CNTNAP2: variants seen among roughly 807,000 people sequenced by gnomAD.
CNTNAP2 encodes the protein contactin-associated protein-like 2.
In CNTNAP2, 98 loss-of-function variants were observed where a neutral mutation model predicts 155.2. That is an observed-to-expected ratio of 0.63 (90% CI 0.54 to 0.75). The LOEUF (loss-of-function observed/expected upper bound fraction) is 0.75. Among genes scored for constraint, CNTNAP2 ranks in the 30% least tolerant of loss-of-function variants. The probability of loss-of-function intolerance (pLI) is 0.00; values close to 1 mark genes in which losing one functional copy is unlikely to be tolerated. For missense variants in CNTNAP2, 1,727 were observed against 1,688.1 expected, an observed-to-expected ratio of 1.02 and a Z score of -0.40; for synonymous variants, 651 against 631.2, an observed-to-expected ratio of 1.03 and a Z score of -0.47.
chr7:146,568,008 T>A (rs1798385092), intron 1 of CNTNAP2, among the ~76,000 whole-genome samples: 1 of 152,224 alleles, frequency 6.6e-6, no homozygotes, highest in African/African-American at 2.4e-5. Flanking sequence ...TATAATATTT[T>A]ATTTCAAGAA....
chr7:147,783,248 T>G (rs191626322), intron 13 of CNTNAP2, among the ~76,000 whole-genome samples: 104 of 152,356 alleles, frequency 6.8e-4, no homozygotes, highest in Non-Finnish European at 1.4e-3. Context: ...TAAAATTATA[T>G]TTTAACTGCT....
intron 4 of CNTNAP2, among the ~76,000 whole-genome samples, chr7:147,083,571 TATATGTATATATATATACACACACAC>T (rs1800189714): frequency 7.1e-6 from 1 of 140,638 alleles, no homozygotes; most frequent in South Asian, 2.2e-4. Flanking sequence ...TATACACATA[TATATGTATATATATATACACACACAC>T]GTCTATAATG....
intron 13 of CNTNAP2, among the ~76,000 whole-genome samples, chr7:147,705,410 A>C (rs1796294944): frequency 6.6e-6 from 1 of 152,136 alleles, no homozygotes; most frequent in South Asian, 2.1e-4. Flanking sequence ...TGATCTGAGA[A>C]GATACTTGAT....
intron 12 of CNTNAP2, among the ~76,000 whole-genome samples, chr7:147,577,780 A>G (rs1800423029): frequency 6.6e-6 from 1 of 152,046 alleles, no homozygotes; most frequent in African/African-American, 2.4e-5. Context: ...ATATAAAGCA[A>G]CACACCATGC....
intron 9 of CNTNAP2, among the ~76,000 whole-genome samples, chr7:147,347,470 ATATATGCATATATATAT>A (rs1795894991): frequency 2.1e-5 from 1 of 48,216 alleles, no homozygotes; most frequent in African/African-American, 4.4e-5. Context: ...ATATATATAT[ATATATGCATATATATAT>A]ATATGCATAT....
At chr7:147,630,316 T>TAAAAAAAAAAAAAAAAAAAAAAAGAAGA (rs1795063293) in intron 12 of CNTNAP2, among the ~76,000 whole-genome samples, 1 of 73,078 alleles carries the variant, frequency 1.4e-5, no homozygotes, top group Non-Finnish European at 2.9e-5. Context: ...GAAACAGTAG[T>TAAAAAAAAAAAAAAAAAAAAAAAGAAGA]AAAAAAAAAA....
intron 1 of CNTNAP2, among the ~76,000 whole-genome samples, chr7:146,612,114 C>T (rs1408812318): frequency 2.0e-5 from 3 of 152,136 alleles, no homozygotes; most frequent in East Asian, 1.9e-4. Flanking sequence ...GTAATAGTGT[C>T]GTGAGGATTA....
At chr7:147,756,815 A>G (rs2116512239) in intron 13 of CNTNAP2, among the ~76,000 whole-genome samples, 1 of 152,304 alleles carries the variant, frequency 6.6e-6, no homozygotes, top group South Asian at 2.1e-4. Context: ...ATTGCTCCAA[A>G]GAAATAAACC....
intron 14 of CNTNAP2, among the ~76,000 whole-genome samples, chr7:147,973,988 C>T (rs978793419): frequency 3.3e-5 from 5 of 151,714 alleles, no homozygotes; most frequent in South Asian, 2.1e-4. Context: ...TTTCATAAAA[C>T]GTGGCTTATA....
Position 147,925,289 on chromosome 7 carries a change from C to CGT in CNTNAP2, c.2255+21569_2255+21570insTG, listed in dbSNP as rs1204619154. The stretch of plus-strand genomic sequence containing the variant: ...ATGCAGACAAACACACACAAGCGCG[C>CGT]GCGCACACACACACACACACACACA... On this transcript the variant is annotated intron_variant, in intron 14 of 23. Coordinates refer to ENST00000361727, the MANE Select transcript of CNTNAP2 (RefSeq NM_014141.6). 2.1e-3 allele frequency among the ~76,000 whole-genome samples: 159 copies of CGT among 76,402 alleles called. 2 individuals are homozygous for CGT. Among genetic ancestry groups the CGT allele is most frequent in the African/African-American group, 0.011 (146 of 12,910 alleles). The allele number at this position is 76,402 out of a possible 152,430, so 50.1% of individuals were successfully genotyped here. A position where few individuals can be genotyped will look rare whatever the true frequency, so the allele number is the denominator to read the frequency against.
intron 11 of CNTNAP2, among the ~76,000 whole-genome samples, chr7:147,516,276 A>T (rs1441796242): frequency 1.3e-5 from 2 of 152,198 alleles, no homozygotes; most frequent in Non-Finnish European, 2.9e-5. Flanking sequence ...AAAAATAGAC[A>T]AAATTACTCA....
chr7:148,400,962 AGAGT>A (rs376987698), intron 22 of CNTNAP2, among the ~76,000 whole-genome samples: 4 of 151,214 alleles, frequency 2.6e-5, no homozygotes, highest in African/African-American at 9.8e-5. Flanking sequence ...CCTGGGCGAC[AGAGT>A]GAGACTCCGC....
chr7:148,391,685 T>G (rs1010337228), intron 22 of CNTNAP2, among the ~76,000 whole-genome samples: 1 of 152,274 alleles, frequency 6.6e-6, no homozygotes, highest in African/African-American at 2.4e-5. Flanking sequence ...TGGACTCTGT[T>G]GTGTTTCTTC....
chr7:147,874,007 A>G (rs1446492464), intron 13 of CNTNAP2, among the ~76,000 whole-genome samples: 1 of 152,204 alleles, frequency 6.6e-6, no homozygotes, highest in African/African-American at 2.4e-5. Flanking sequence ...TCCAGGTCAC[A>G]ATGATGCCAA....
intron 10 of CNTNAP2, among the ~76,000 whole-genome samples, chr7:147,424,815 A>G (rs940427278): frequency 2.0e-5 from 3 of 152,138 alleles, no homozygotes; most frequent in Non-Finnish European, 2.9e-5. Flanking sequence ...AACTCCATTC[A>G]TCTATTCACT....
intron 13 of CNTNAP2, among the ~76,000 whole-genome samples, chr7:147,746,529 C>G (rs1015156726): frequency 2.0e-5 from 3 of 152,016 alleles, no homozygotes; most frequent in African/African-American, 7.2e-5. Context: ...TCCCTTCTAC[C>G]CCATCACGAC....
intron 1 of CNTNAP2, among the ~76,000 whole-genome samples, chr7:146,264,463 A>G (rs186442900): frequency 0.01 from 1,556 of 152,154 alleles, 16 homozygotes; most frequent in Middle Eastern, 0.02. Flanking sequence ...AAATAAAAAA[A>G]AAAGAAAGAA....
chr7:147,150,714 T>C (rs554382775), intron 8 of CNTNAP2, among the ~76,000 whole-genome samples: 7 of 152,280 alleles, frequency 4.6e-5, no homozygotes, highest in Admixed American at 1.3e-4. Flanking sequence ...CTACTCCTTG[T>C]TCAACCCCTT....
chr7:148,356,483 C>T (rs1203807059), intron 21 of CNTNAP2, among the ~76,000 whole-genome samples: 1 of 152,210 alleles, frequency 6.6e-6, no homozygotes, highest in Admixed American at 6.5e-5. Flanking sequence ...GGCTCCTGCT[C>T]CTGAGAGCTG....
Sources: allele counts gnomAD v4.1 joint callset (sites outside exome capture counted in the v4.1 genomes callset), GRCh38; gene constraint gnomAD v4.1.1; transcripts MANE v1.5; gene names NCBI Gene and HGNC (gene_info 2026-07-23, HGNC 2026-07-21).